OLFM2: variants seen among roughly 807,000 people sequenced by gnomAD.
The protein encoded by OLFM2 is noelin-2.
In OLFM2, 20 loss-of-function variants were observed where a neutral mutation model predicts 43.9. The ratio of observed to expected loss-of-function variants is 0.46; its 90% CI spans 0.32 to 0.66. The LOEUF (loss-of-function observed/expected upper bound fraction) is 0.66, where lower values mean the gene tolerates loss of function less well. Ranked by LOEUF, OLFM2 falls within the 30% of genes least tolerant of loss-of-function variation. The pLI is 0.04. For synonymous variants in OLFM2, 268 were observed against 278.6 expected (o/e 0.96, Z 0.38); for missense variants, 416 against 643.6 (o/e 0.65, Z 3.83).
chr19:9,860,805 G>T lies in OLFM2; in HGVS notation c.64-11C>A. ...GTTCTGGAAGAGAGTCTGCAAAGAG[G>T]TGGGGGTCAGAGACCGGAATCCCAG... On this transcript the variant is annotated splice_polypyrimidine_tract_variant and intron_variant, in intron 1 of 5. Coordinates refer to ENST00000264833, the MANE Select transcript of OLFM2 (RefSeq NM_058164.4). 6.3e-7 allele frequency: 1 copy of T among 1,598,614 alleles called. No individual in the cohort carries two copies. Among genetic ancestry groups the T allele is most frequent in the South Asian group, 1.1e-5 (1 of 89,694 alleles).
At position 9,857,511 on chromosome 19, in the gene OLFM2, G is replaced by A; in HGVS notation, c.361-29C>T. On this transcript the variant is annotated intron_variant, in intron 3 of 5. Coordinates refer to ENST00000264833, the MANE Select transcript of OLFM2 (RefSeq NM_058164.4). The surrounding 1 kb of genome is among the most constrained non-coding windows in gnomAD (Gnocchi z 5.7). The stretch of plus-strand genomic sequence containing the variant: ...TGCATCAAGATGGAACCATGGCCAA[G>A]CCTGACCCCTGGCCTTTGACCCAGA... 6.2e-7 allele frequency: 1 copy of A among 1,609,362 alleles called. No homozygotes were observed. Among genetic ancestry groups the A allele is most frequent in the Non-Finnish European group, 8.5e-7 (1 of 1,178,028 alleles).
intron 1 of OLFM2, among the ~76,000 whole-genome samples, chr19:9,908,006 A>G (rs866296042): frequency 8.6e-5 from 13 of 151,886 alleles, no homozygotes; most frequent in African/African-American, 3.1e-4. Flanking sequence ...CTTGATCTCA[A>G]AAAAAAATAA....
chr19:9,894,221 A>C (rs2046662184), intron 1 of OLFM2, among the ~76,000 whole-genome samples: 1 of 151,464 alleles, frequency 6.6e-6, no homozygotes, highest in Admixed American at 6.6e-5. Flanking sequence ...TGAACCCGGG[A>C]AGGGGAGGTT....
intron 1 of OLFM2, among the ~76,000 whole-genome samples, chr19:9,933,668 G>C (rs993387807): frequency 6.8e-6 from 1 of 146,574 alleles, no homozygotes; most frequent in Admixed American, 7.1e-5. Context: ...CAATTCTCCT[G>C]CCTCAGCCTC....
At chr19:9,927,174 T>C (rs1230025322) in intron 1 of OLFM2, among the ~76,000 whole-genome samples, 2 of 150,496 alleles carry the variant, frequency 1.3e-5, no homozygotes, top group African/African-American at 4.9e-5. Flanking sequence ...CCCAGTTCCT[T>C]GGGAGGCTGA....
chr19:9,915,422 A>T (rs997378895), intron 1 of OLFM2, among the ~76,000 whole-genome samples: 1 of 152,006 alleles, frequency 6.6e-6, no homozygotes, highest in Admixed American at 6.6e-5. Context: ...AAATACGGGA[A>T]AAAAGTAAAG....
chr19:9,912,715 G>A (rs982493762), intron 1 of OLFM2, among the ~76,000 whole-genome samples: 5 of 151,952 alleles, frequency 3.3e-5, no homozygotes, highest in Non-Finnish European at 5.9e-5. Context: ...GGATGGGATG[G>A]GAAGGCGCCA....
chr19:9,885,340 T>C (rs1359683594), intron 1 of OLFM2, among the ~76,000 whole-genome samples: 2 of 152,100 alleles, frequency 1.3e-5, no homozygotes, highest in Non-Finnish European at 2.9e-5. Context: ...GTTGGCCTGG[T>C]TTTCATCCCA....
At chr19:9,905,264 T>C (rs1225884710) in intron 1 of OLFM2, among the ~76,000 whole-genome samples, 1 of 152,112 alleles carries the variant, frequency 6.6e-6, no homozygotes, top group African/African-American at 2.4e-5. Flanking sequence ...GAGACCATCA[T>C]GGCTAACACG....
At chr19:9,901,128 AAAGG>A (rs944178591) in intron 1 of OLFM2, among the ~76,000 whole-genome samples, 4 of 148,838 alleles carry the variant, frequency 2.7e-5, no homozygotes, top group African/African-American at 9.9e-5. Flanking sequence ...AAAGAAAGAA[AAAGG>A]AAGGAAAGAA....
In OLFM2 at chr19:9,854,672, G is replaced by A. The variant is rs1383368492; in HGVS notation, c.879C>T (p.Phe293=). Residue 293 remains phenylalanine (F), a synonymous_variant, in exon 6 of 6, where the codon TTC becomes TTT. Transcript: ENST00000264833. This position sits in a 1 kb window ranked among gnomAD's most constrained non-coding sequence, Gnocchi z 9.5. ...TCTGCACCAGCACAGAGCGCGAGCG[G>A]AAGTGGTATTTGACCACCACGTTGC... ...YQSNVVVKYH[F]RSRSVLVQRS... 1.9e-6 allele frequency: 3 copies of A among 1,614,218 alleles called. No homozygotes were observed. Among genetic ancestry groups the A allele is most frequent in the East Asian group, 4.5e-5 (2 of 44,876 alleles).
intron 1 of OLFM2, among the ~76,000 whole-genome samples, chr19:9,915,208 T>C (rs1053219660): frequency 6.6e-6 from 1 of 150,832 alleles, no homozygotes; most frequent in African/African-American, 2.4e-5. Context: ...CCTGCCTGTG[T>C]GAAATTGAAT....
chr19:9,910,836 G>A (rs1390306965), intron 1 of OLFM2, among the ~76,000 whole-genome samples: 2 of 152,126 alleles, frequency 1.3e-5, no homozygotes, highest in Admixed American at 1.3e-4. Flanking sequence ...TGGATGTACA[G>A]ATGGATGGAC....
At position 9,934,758 on chromosome 19, in the gene OLFM2, T is replaced by C. The variant is rs781774905; in HGVS notation, c.63+1546A>G. Among the ~76,000 whole-genome samples the C allele has an allele frequency of 7.9e-5, 12 of 152,098 alleles. 1 individual carries two copies. Among genetic ancestry groups the C allele is most frequent in the South Asian group, 4.1e-4 (2 of 4,828 alleles). The stretch of plus-strand genomic sequence containing the variant: ...CCTATCCCACCCAGCGCGTGGGTGC[T>C]GAGATGCGTGGGGAAATGGAGGAGC... On this transcript the variant is annotated intron_variant, in intron 1 of 5. Coordinates refer to ENST00000264833, the MANE Select transcript of OLFM2 (RefSeq NM_058164.4).
chr19:9,930,322 T>G (rs1354629453), intron 1 of OLFM2, among the ~76,000 whole-genome samples: 1 of 152,254 alleles, frequency 6.6e-6, no homozygotes, highest in African/African-American at 2.4e-5. Context: ...AATTTAGATT[T>G]TTCTTAAAAT....
intron 1 of OLFM2, among the ~76,000 whole-genome samples, chr19:9,863,244 G>C (rs1047381021): frequency 2.0e-5 from 3 of 152,102 alleles, no homozygotes; most frequent in Non-Finnish European, 2.9e-5. Flanking sequence ...GATTGAGTAA[G>C]GGGTAAGTGG....
At position 9,908,464 on chromosome 19, in the gene OLFM2, A is replaced by ATTTTT. The variant is rs34305631; in HGVS notation, c.63+27835_63+27839dup. ...AGGTGCCTGCCATCACACCTGGCTA[A>ATTTTT]TTTTTTTTTTTTTTTTTTTTTTTTT... On this transcript the variant is annotated intron_variant, in intron 1 of 5. Transcript: ENST00000264833. 2.2e-3 allele frequency among the ~76,000 whole-genome samples: 88 copies of ATTTTT among 40,364 alleles called. 3 individuals are homozygous for ATTTTT. The highest frequency in any genetic ancestry group is 3.0e-3 in the African/African-American group (25 of 8,238). 26.5% of individuals were successfully genotyped at this position (40,364 alleles called of 152,430 possible). A position where few individuals can be genotyped will look rare whatever the true frequency, so the allele number is the denominator to read the frequency against.
At chr19:9,891,723 AG>A (rs2046642115) in intron 1 of OLFM2, among the ~76,000 whole-genome samples, 1 of 152,148 alleles carries the variant, frequency 6.6e-6, no homozygotes, top group South Asian at 2.1e-4. Context: ...CATGAGCAAA[AG>A]CTCATTTGGT....
intron 1 of OLFM2, among the ~76,000 whole-genome samples, chr19:9,877,229 CAAAAA>C (rs1284739436): frequency 2.2e-5 from 1 of 45,364 alleles, no homozygotes. Flanking sequence ...GACTCCATCT[CAAAAA>C]AAAAAAAAAA....
Sources: allele counts gnomAD v4.1 joint callset (sites outside exome capture counted in the v4.1 genomes callset), GRCh38; gene constraint gnomAD v4.1.1; non-coding constraint Gnocchi (gnomAD v3.1); transcripts MANE v1.5; gene names NCBI Gene and HGNC (gene_info 2026-07-23, HGNC 2026-07-21).